Variants in SBDS observed in about 807,000 individuals in gnomAD.
SBDS encodes the protein ribosome maturation protein SBDS.
Under a neutral mutation model 26.4 loss-of-function variants are expected in SBDS, and 20 were observed. That is an observed-to-expected ratio of 0.76 (90% CI 0.53 to 1.10). The LOEUF is 1.10. SBDS is among the 50% of genes least tolerant of loss of function. The pLI is 0.00. For synonymous variants in SBDS, 95 were observed against 105.1 expected, an observed-to-expected ratio of 0.90 and a Z score of 0.59; for missense variants, 241 against 302.0, an observed-to-expected ratio of 0.80 and a Z score of 1.50.
At chr7:66,991,535 G>C (rs576767043) in intron 3 of SBDS, among the ~76,000 whole-genome samples, 6 of 152,258 alleles carry the variant, frequency 3.9e-5, no homozygotes, top group South Asian at 2.1e-4. Flanking sequence ...GCTCACGCCT[G>C]TAATTCCAGC....
At chr7:66,993,829 A>C (rs559347224) in intron 2 of SBDS, among the ~76,000 whole-genome samples, 1 of 151,968 alleles carries the variant, frequency 6.6e-6, no homozygotes, top group Non-Finnish European at 1.5e-5. Flanking sequence ...AGCTGAGTGC[A>C]GTGAAGTGCA....
chr7:66,995,255 G>T, intron 1 of SBDS, 35 bp downstream of exon 1: 12 of 1,612,726 alleles, frequency 7.4e-6, no homozygotes, highest in Non-Finnish European at 1.0e-5. Context: ...GACGGCTCAG[G>T]CCCAGGCCCA....
In SBDS at chr7:66,987,710, A is replaced by G. The variant is rs144517831; in HGVS notation, c.*661T>C. 1.5e-3 allele frequency: 254 copies of G among 167,754 alleles called. 3 individuals are homozygous for G. In the East Asian group the frequency reaches 0.028, roughly 18 times the overall value. The allele number at this position is 167,754 out of a possible 1,614,324, so 10.4% of individuals were successfully genotyped here. ...AAACACAAGCCATAGTTTAATAAAC[A>G]TAAGAGTGGTTTTATTGATTACATA... On this transcript the variant is annotated 3_prime_UTR_variant, in exon 5 of 5. Transcript: ENST00000246868.
chr7:66,991,533 C>T (rs1792974628), intron 3 of SBDS, among the ~76,000 whole-genome samples: 1 of 152,100 alleles, frequency 6.6e-6, no homozygotes, highest in East Asian at 1.9e-4. Context: ...TGGCTCACGC[C>T]TGTAATTCCA....
At position 66,995,550 on chromosome 7, in the gene SBDS, C is replaced by T. The variant is rs1793095287; in HGVS notation, c.-133G>A. On this transcript the variant is annotated 5_prime_UTR_variant, in exon 1 of 5. Coordinates refer to ENST00000246868, the MANE Select transcript of SBDS (RefSeq NM_016038.4). ...ACCCAACCACCAGTGCGCGGCGCCGCGACTCACTAGCTTCAGGCAGCCGTC... is the reference window on the plus strand; with the variant it reads ...ACCCAACCACCAGTGCGCGGCGCCGTGACTCACTAGCTTCAGGCAGCCGTC... The T allele has an allele frequency of 7.5e-7, 1 of 1,326,168 alleles. No homozygotes were observed. The highest frequency in any genetic ancestry group is 1.1e-6 in the Non-Finnish European group (1 of 946,840). The allele number at this position is 1,326,168 out of a possible 1,614,324, so 82.2% of individuals were successfully genotyped here.
At position 66,991,620 on chromosome 7, in the gene SBDS, G is replaced by A. The variant is rs1792976250; in HGVS notation, c.460-319C>T. On this transcript the variant is annotated intron_variant, in intron 3 of 4. Coordinates refer to ENST00000246868, the MANE Select transcript of SBDS (RefSeq NM_016038.4). ...AGCCTGGCCAACATGGTGAAACCCC[G>A]TCTCCACTAAAAATACAAAAAAAGA... Among the ~76,000 whole-genome samples the A allele has an allele frequency of 1.3e-5, 2 of 151,920 alleles. 1 individual carries two copies. Among genetic ancestry groups the A allele is most frequent in the South Asian group, 4.2e-4 (2 of 4,806 alleles).
chr7:66,989,933 AGACGC>A (rs1792939600), intron 4 of SBDS, among the ~76,000 whole-genome samples: 1 of 152,148 alleles, frequency 6.6e-6, no homozygotes, highest in African/African-American at 2.4e-5. Flanking sequence ...GCAATTAACC[AGACGC>A]GACTATCCTG....
intron 3 of SBDS, among the ~76,000 whole-genome samples, chr7:66,992,335 G>A (rs762650747): frequency 1.1e-4 from 16 of 152,188 alleles, no homozygotes; most frequent in East Asian, 3.9e-4. Context: ...AATGGGGGAT[G>A]GCTACTAATG....
Position 66,993,279 on chromosome 7 carries a change from T to G in SBDS, c.397A>C (p.Ile133Leu), listed in dbSNP as rs1262510562. ...ETKRPYTVIL[I>L]ERAMKDIHYS... is the part of the protein sequence containing the mutation. The stretch of plus-strand genomic sequence containing the variant: ...TGGATGTCCTTCATGGCTCTCTCAA[T>G]AAGGATCACGGTGTATGGTCTCTTT... Residue 133 changes from isoleucine (I) to leucine (L), a missense_variant, in exon 3 of 5, where the codon ATT becomes CTT. Physicochemically the swap from Ile to Leu is conservative, Grantham distance 5 (BLOSUM62 2). Coordinates refer to ENST00000246868, the MANE Select transcript of SBDS (RefSeq NM_016038.4). The G allele has an allele frequency of 6.2e-7, 1 of 1,614,048 alleles. No individual in the cohort carries two copies. The highest frequency in any genetic ancestry group is 1.3e-5 in the African/African-American group (1 of 74,944).
chr7:66,993,229 A>G lies in SBDS; in HGVS notation c.447T>C (p.Ser149=), dbSNP rs746451256. ...AGAAACCACTCACCTGCTGTTTTGTACTCTTGTTGGTTTTCACCGAATAGT... is the reference window on the plus strand; with the variant it reads ...AGAAACCACTCACCTGCTGTTTTGTGCTCTTGTTGGTTTTCACCGAATAGT... ...DIHYSVKTNK[S]TKQQALEVIK... The change falls in exon 3 of 5, where the codon AGT becomes AGC. Residue 149 remains serine, a synonymous_variant. Coordinates refer to ENST00000246868, the MANE Select transcript of SBDS (RefSeq NM_016038.4). The G allele has an allele frequency of 5.6e-6, 9 of 1,613,764 alleles. No individual in the cohort carries two copies. Among genetic ancestry groups the G allele is most frequent in the South Asian group, 3.3e-5 (3 of 91,064 alleles).
At chr7:66,991,052 C>T (rs1792965515) in intron 4 of SBDS, 85 bp downstream of exon 4, 1 of 1,241,568 alleles carries the variant, frequency 8.1e-7, no homozygotes, top group East Asian at 2.4e-5. Context: ...CTGACGTTTA[C>T]AACATCTAAA....
chr7:66,987,866 A>G lies in SBDS; in HGVS notation c.*505T>C, dbSNP rs544916822. On this transcript the variant is annotated 3_prime_UTR_variant, in exon 5 of 5. Coordinates refer to ENST00000246868, the MANE Select transcript of SBDS (RefSeq NM_016038.4). ...AAGGTAAGTCCGGCACAATTTTTCT[A>G]TATCTGTTTCTCAGATAATCAGGAA... 4.0e-5 allele frequency: 8 copies of G among 201,938 alleles called. No homozygotes were observed. The highest frequency in any genetic ancestry group is 3.7e-4 in the South Asian group (2 of 5,418). The allele number at this position is 201,938 out of a possible 1,614,324, so 12.5% of individuals were successfully genotyped here.
rs529343325 is a variant in SBDS, at chr7:66,987,878, C to G, written c.*493G>C. 9.7e-6 allele frequency: 2 copies of G among 205,250 alleles called. No homozygotes were observed. Among genetic ancestry groups the G allele is most frequent in the South Asian group, 3.6e-4 (2 of 5,530 alleles). The allele number at this position is 205,250 out of a possible 1,614,324, so 12.7% of individuals were successfully genotyped here. ...GCACAATTTTTCTATATCTGTTTCTCAGATAATCAGGAACATCATCCAAGC... is the reference window on the plus strand; with the variant it reads ...GCACAATTTTTCTATATCTGTTTCTGAGATAATCAGGAACATCATCCAAGC... On this transcript the variant is annotated 3_prime_UTR_variant, in exon 5 of 5. Coordinates refer to ENST00000246868, the MANE Select transcript of SBDS (RefSeq NM_016038.4).
At chr7:66,990,022 T>G (rs1264630021) in intron 4 of SBDS, among the ~76,000 whole-genome samples, 1 of 147,684 alleles carries the variant, frequency 6.8e-6, no homozygotes, top group African/African-American at 2.5e-5. Context: ...AATTCAATCT[T>G]TTTTTTTTTT....
At chr7:66,991,996 G>A (rs1792985539) in intron 3 of SBDS, among the ~76,000 whole-genome samples, 1 of 152,166 alleles carries the variant, frequency 6.6e-6, no homozygotes, top group Admixed American at 6.5e-5. Context: ...TTTAGAAATA[G>A]GTTTGGTAGT....
In SBDS at chr7:66,995,508, A is replaced by C; in HGVS notation, c.-91T>G. The C allele has an allele frequency of 1.9e-6, 3 of 1,595,214 alleles. No individual in the cohort carries two copies. In the South Asian group the frequency reaches 3.3e-5, roughly 18 times the overall value. On this transcript the variant is annotated 5_prime_UTR_variant, in exon 1 of 5. Coordinates refer to ENST00000246868, the MANE Select transcript of SBDS (RefSeq NM_016038.4). ...CACCAGCGCCTCGCGGTAACGACCG[A>C]TCGGCGCGCGGCACTGACCCAACCA...
Position 66,993,125 on chromosome 7 carries a change from T to C in SBDS, c.459+92A>G, listed in dbSNP as rs142213835. 0.031 allele frequency: 36,606 copies of C among 1,177,786 alleles called. 751 individuals carry two copies. The highest frequency in any genetic ancestry group is 0.038 in the Non-Finnish European group (29,866 of 786,142). The allele number at this position is 1,177,786 out of a possible 1,614,324, so 73.0% of individuals were successfully genotyped here. A position where few individuals can be genotyped will look rare whatever the true frequency, so the allele number is the denominator to read the frequency against. On this transcript the variant is annotated intron_variant, in intron 3 of 4. Transcript: ENST00000246868. ...GTGCTAGGATTACAGGCATGAACCA[T>C]TGTGCCTGGCCCCAGACCCATTATT...
intron 2 of SBDS, among the ~76,000 whole-genome samples, chr7:66,993,735 AG>A (rs1793024877): frequency 6.6e-6 from 1 of 151,980 alleles, no homozygotes; most frequent in Admixed American, 6.6e-5. Flanking sequence ...TTAGCCAGGC[AG>A]GGTGGTGGGC....
Position 66,988,050 on chromosome 7 carries a change from T to C in SBDS, c.*321A>G, listed in dbSNP as rs558140760. On this transcript the variant is annotated 3_prime_UTR_variant, in exon 5 of 5. Transcript: ENST00000246868. ...ATCTTACTCTACTGTACAAATAACT[T>C]TTCACCCACAAGAGCTGCCTCAAGT... is the stretch of plus-strand genomic sequence containing the variant. The C allele has an allele frequency of 4.8e-6, 2 of 419,630 alleles. No individual in the cohort carries two copies. Among genetic ancestry groups the C allele is most frequent in the African/African-American group, 2.0e-5 (1 of 50,478 alleles). The allele number at this position is 419,630 out of a possible 1,614,324, so 26.0% of individuals were successfully genotyped here.
Sources: gnomAD v4.1 joint callset for allele counts (sites outside exome capture counted in the v4.1 genomes callset) on GRCh38, gnomAD v4.1.1 for gene constraint, MANE v1.5 for transcripts, NCBI Gene and HGNC (gene_info 2026-07-23, HGNC 2026-07-21) for gene names.